Variants in SNRNP40 observed in about 807,000 individuals in gnomAD.
SNRNP40 encodes the protein U5 small nuclear ribonucleoprotein 40 kDa protein.
Under a neutral mutation model 45.8 loss-of-function variants are expected in SNRNP40, and 21 were observed. That is an observed-to-expected ratio of 0.46 (90% CI 0.32 to 0.66). The LOEUF (loss-of-function observed/expected upper bound fraction) is 0.66. SNRNP40 is among the 30% of genes least tolerant of loss of function. SNRNP40 has a pLI of 0.03. For synonymous variants in SNRNP40, 142 were observed against 163.8 expected (o/e 0.87, Z 1.01); for missense variants, 344 against 439.1 (o/e 0.78, Z 1.94).
At chr1:31,276,557 T>C (rs1023102894) in intron 5 of SNRNP40, among the ~76,000 whole-genome samples, 2 of 152,186 alleles carry the variant, frequency 1.3e-5, no homozygotes, top group Non-Finnish European at 2.9e-5. Flanking sequence ...GGGTGGGGGA[T>C]TCCTGACAAA....
chr1:31,291,160 T>A (rs1220677441), intron 3 of SNRNP40, among the ~76,000 whole-genome samples: 3 of 150,614 alleles, frequency 2.0e-5, no homozygotes, highest in African/African-American at 4.9e-5. Context: ...CGGTGATGCA[T>A]CCCTGTAATC....
Position 31,260,659 on chromosome 1 carries a change from T to C in SNRNP40, c.1025-538A>G, listed in dbSNP as rs1218016521. On this transcript the variant is annotated intron_variant, in intron 9 of 9. Coordinates refer to ENST00000263694, the MANE Select transcript of SNRNP40 (RefSeq NM_004814.3). ...GGTGGATTACCAGAGGTCAGGAGTTTGAGACCAGCCTGGCCAACATGGTGA... is the reference window on the plus strand; with the variant it reads ...GGTGGATTACCAGAGGTCAGGAGTTCGAGACCAGCCTGGCCAACATGGTGA... Among the ~76,000 whole-genome samples, 272 of 149,264 alleles carry C rather than the reference T, an allele frequency of 1.8e-3. 1 individual carries two copies. The highest frequency in any genetic ancestry group is 3.2e-3 in the Non-Finnish European group (212 of 66,656).
At chr1:31,290,583 TAC>T (rs1319339365) in intron 3 of SNRNP40, among the ~76,000 whole-genome samples, 1 of 152,170 alleles carries the variant, frequency 6.6e-6, no homozygotes, top group Non-Finnish European at 1.5e-5. Flanking sequence ...AATAAGATTG[TAC>T]ACACAGTTCT....
chr1:31,273,914 C>T (rs1194212367), intron 5 of SNRNP40, among the ~76,000 whole-genome samples: 1 of 151,572 alleles, frequency 6.6e-6, no homozygotes, highest in Non-Finnish European at 1.5e-5. Flanking sequence ...GAAGCTTTCA[C>T]AGAAAATGAA....
At chr1:31,281,839 C>T (rs762690716) in intron 4 of SNRNP40, 30 of 168,380 alleles carry the variant, frequency 1.8e-4, no homozygotes, top group African/African-American at 3.1e-4. Context: ...TTTTTCAAAC[C>T]GTAGAGACTA....
chr1:31,280,366 A>G (rs1010642856), intron 5 of SNRNP40, among the ~76,000 whole-genome samples: 1 of 151,684 alleles, frequency 6.6e-6, no homozygotes, highest in African/African-American at 2.4e-5. Context: ...GTTTCACCAC[A>G]TTGGCCAGGA....
At position 31,296,706 on chromosome 1, in the gene SNRNP40, G is replaced by A; in HGVS notation, c.46C>T (p.Pro16Ser). Residue 16 changes from proline (P) to serine (S), a missense_variant, in exon 1 of 10, where the codon CCA (proline) becomes TCA (serine). Coordinates refer to ENST00000263694, the MANE Select transcript of SNRNP40 (RefSeq NM_004814.3). ...KRKGPELPLV[P>S]VKRQRHELLL... Reference sequence around the variant, plus strand: ...AACTCATGCCGCTGCCGCTTGACTGGAACCAGCGGCAACTCTGGGCCCTTA... The same window carrying A: ...AACTCATGCCGCTGCCGCTTGACTGAAACCAGCGGCAACTCTGGGCCCTTA... 1 of 1,613,692 alleles carries A rather than the reference G, an allele frequency of 6.2e-7. No individual in the cohort carries two copies. The highest frequency in any genetic ancestry group is 8.5e-7 in the Non-Finnish European group (1 of 1,179,796).
intron 9 of SNRNP40, 95 bp from the exon 10 acceptor site, chr1:31,260,216 A>G: frequency 1.3e-6 from 1 of 791,376 alleles, no homozygotes; most frequent in Admixed American, 2.7e-5. Context: ...CTGGTATAAA[A>G]GAGCAATTGG....
intron 5 of SNRNP40, among the ~76,000 whole-genome samples, chr1:31,280,377 C>T (rs1224474265): frequency 6.6e-6 from 1 of 151,756 alleles, no homozygotes; most frequent in Non-Finnish European, 1.5e-5. Flanking sequence ...TTGGCCAGGA[C>T]GGTCTCGGTC....
rs1427002792 is a variant in SNRNP40, at chr1:31,296,741, T to A, written c.11A>T (p.Gln4Leu). The change falls in exon 1 of 10, where the codon CAG (glutamine) becomes CTG (leucine). Residue 4 changes from glutamine to leucine, a missense_variant. Physicochemically the swap from Gln to Leu is moderately radical, Grantham distance 113. Coordinates refer to ENST00000263694, the MANE Select transcript of SNRNP40 (RefSeq NM_004814.3). MIE[Q>L]QKRKGPELPL... ...CAACTCTGGGCCCTTACGCTTCTGC[T>A]GTTCTATCATGGCGGCAACCGGTCT... 1 of 1,604,092 alleles carries A rather than the reference T, an allele frequency of 6.2e-7. No individual in the cohort carries two copies. Among genetic ancestry groups the A allele is most frequent in the Non-Finnish European group, 8.5e-7 (1 of 1,175,718 alleles).
chr1:31,277,298 A>T (rs377357372), intron 5 of SNRNP40, among the ~76,000 whole-genome samples: 60 of 152,382 alleles, frequency 3.9e-4, no homozygotes, highest in African/African-American at 1.4e-3. Flanking sequence ...TGAAATAGTA[A>T]GAGTGACTGA....
chr1:31,279,981 G>A (rs1279492010), intron 5 of SNRNP40, among the ~76,000 whole-genome samples: 5 of 150,658 alleles, frequency 3.3e-5, no homozygotes, highest in Non-Finnish European at 7.4e-5. Context: ...GGTGGCACGT[G>A]CCTGTAATCC....
At chr1:31,272,162 TA>T (rs994241455) in intron 5 of SNRNP40, among the ~76,000 whole-genome samples, 1 of 152,148 alleles carries the variant, frequency 6.6e-6, no homozygotes, top group South Asian at 2.1e-4. Context: ...ACATGTCATT[TA>T]AAAAAGGCAT....
intron 2 of SNRNP40, among the ~76,000 whole-genome samples, chr1:31,292,455 C>CCCTAAGCAATCCAGACGTTTGG (rs1646114381): frequency 1.3e-5 from 2 of 152,188 alleles, no homozygotes. Flanking sequence ...CTGCAAAGAT[C>CCCTAAGCAATCCAGACGTTTGG]CCTAAGCAAT....
At chr1:31,269,500 A>ATT in intron 6 of SNRNP40, 1 of 784,250 alleles carries the variant, frequency 1.3e-6, no homozygotes, top group South Asian at 3.5e-5. Flanking sequence ...AATTTGCAAC[A>ATT]GAATGCAGTT....
intron 5 of SNRNP40, among the ~76,000 whole-genome samples, chr1:31,278,416 A>C (rs1645991256): frequency 6.6e-6 from 1 of 152,168 alleles, no homozygotes; most frequent in African/African-American, 2.4e-5. Flanking sequence ...CAAACATTAA[A>C]ATTCTTATAA....
intron 7 of SNRNP40, among the ~76,000 whole-genome samples, chr1:31,268,264 C>G (rs1004954813): frequency 6.6e-6 from 1 of 150,768 alleles, no homozygotes; most frequent in Non-Finnish European, 1.5e-5. Flanking sequence ...TACACGCAAA[C>G]CCAACAAATA....
intron 5 of SNRNP40, among the ~76,000 whole-genome samples, chr1:31,278,763 C>A (rs1001662290): frequency 9.2e-5 from 14 of 152,238 alleles, no homozygotes; most frequent in African/African-American, 3.1e-4. Flanking sequence ...GGACCTGATG[C>A]TTAAGATCTG....
intron 4 of SNRNP40, among the ~76,000 whole-genome samples, chr1:31,284,241 C>T (rs1414671794): frequency 2.0e-5 from 3 of 152,208 alleles, no homozygotes; most frequent in Non-Finnish European, 2.9e-5. Context: ...CCTCTGCTTC[C>T]GTGTTCCAGC....
Sources: gnomAD v4.1 joint callset for allele counts (sites outside exome capture counted in the v4.1 genomes callset) on GRCh38, gnomAD v4.1.1 for gene constraint, MANE v1.5 for transcripts, NCBI Gene and HGNC (gene_info 2026-07-23, HGNC 2026-07-21) for gene names.